The following PTPRN2 variants were observed in gnomAD, a reference collection of about 807,000 sequenced individuals.
The protein encoded by PTPRN2 is receptor-type tyrosine-protein phosphatase N2.
A neutral mutation model predicts 118.8 loss-of-function variants in PTPRN2; 74 were observed. The ratio of observed to expected loss-of-function variants is 0.62; its 90% CI spans 0.52 to 0.76. PTPRN2 has a LOEUF of 0.76. Among genes scored for constraint, PTPRN2 ranks in the 30% least tolerant of loss-of-function variants. The pLI, the probability that PTPRN2 is intolerant of heterozygous loss-of-function variation, is 0.00. For synonymous variants in PTPRN2, 641 were observed against 608.0 expected (o/e 1.05, Z -0.80); for missense variants, 1,481 against 1,394.4 (o/e 1.06, Z -0.99).
At chr7:157,770,068 C>T (rs540385436) in intron 12 of PTPRN2, among the ~76,000 whole-genome samples, 1 of 152,352 alleles carries the variant, frequency 6.6e-6, no homozygotes, top group East Asian at 1.9e-4. Flanking sequence ...CCGAGCCTCC[C>T]CAGCACTTTC....
chr7:157,545,235 CTG>C lies in PTPRN2; in HGVS notation c.2976+3709_2976+3710del, dbSNP rs141797450. Among the ~76,000 whole-genome samples, 209 of 136,468 alleles carry C rather than the reference CTG, an allele frequency of 1.5e-3. 1 individual carries two copies. In the East Asian group the frequency reaches 0.042, roughly 27 times the overall value. 89.5% of individuals were successfully genotyped at this position (136,468 alleles called of 152,430 possible). The stretch of plus-strand genomic sequence containing the variant: ...GTGTGGGTGTGCGCAGTGTCCGTGG[CTG>C]TGTGTAGGTGTGCACTGTGTGCAGG... On this transcript the variant is annotated intron_variant, in intron 22 of 22. Coordinates refer to ENST00000389418, the MANE Select transcript of PTPRN2 (RefSeq NM_002847.5).
At chr7:158,371,001 A>G (rs1563211142) in intron 2 of PTPRN2, among the ~76,000 whole-genome samples, 1 of 152,236 alleles carries the variant, frequency 6.6e-6, no homozygotes, top group African/African-American at 2.4e-5. Flanking sequence ...GCAGCCCATT[A>G]TAAGAAAAAA....
In PTPRN2 at chr7:158,540,510, G is replaced by C. The variant is rs536757741; in HGVS notation, c.112+47048C>G. The stretch of plus-strand genomic sequence containing the variant: ...AGCCCAGGCTGGGCCCCCCACCTGT[G>C]CTCCATGGGAGGAAAGCACATGGCC... On this transcript the variant is annotated intron_variant, in intron 1 of 22. Coordinates refer to ENST00000389418, the MANE Select transcript of PTPRN2 (RefSeq NM_002847.5). Among the ~76,000 whole-genome samples the C allele has an allele frequency of 6.6e-5, 10 of 152,258 alleles. No homozygotes were observed. In the East Asian group the frequency reaches 1.9e-3, roughly 30 times the overall value.
At chr7:158,373,990 C>T (rs1563215275) in intron 2 of PTPRN2, among the ~76,000 whole-genome samples, 1 of 152,206 alleles carries the variant, frequency 6.6e-6, no homozygotes, top group South Asian at 2.1e-4. Context: ...CTGGGCTGGG[C>T]CCTGAGGGAA....
chr7:157,804,747 A>G (rs1193438371), intron 12 of PTPRN2, among the ~76,000 whole-genome samples: 2 of 152,148 alleles, frequency 1.3e-5, no homozygotes, highest in Non-Finnish European at 2.9e-5. Flanking sequence ...ATTCAGCAAG[A>G]TCTGACACCT....
intron 3 of PTPRN2, among the ~76,000 whole-genome samples, chr7:158,313,885 C>CTAGATATTT (rs1802076594): frequency 1.3e-5 from 2 of 152,320 alleles, no homozygotes; most frequent in Admixed American, 1.3e-4. Context: ...TTCGGGGCCA[C>CTAGATATTT]TAGATATTTT....
intron 12 of PTPRN2, among the ~76,000 whole-genome samples, chr7:157,878,222 C>T (rs1213504424): frequency 6.6e-6 from 1 of 152,248 alleles, no homozygotes; most frequent in East Asian, 1.9e-4. Context: ...CCGTGCTGGG[C>T]CGGCCAGTGC....
chr7:158,495,505 G>A (rs918272676), intron 1 of PTPRN2, among the ~76,000 whole-genome samples: 3 of 152,074 alleles, frequency 2.0e-5, no homozygotes, highest in African/African-American at 7.2e-5. Context: ...TAAGAGTGAA[G>A]CGCCTGCCTG....
chr7:157,637,590 TCACCTACAAAGCCCATATGGC>T, intron 14 of PTPRN2, among the ~76,000 whole-genome samples: 1 of 152,194 alleles, frequency 6.6e-6, no homozygotes, highest in Non-Finnish European at 1.5e-5. Context: ...ACCCTGATGG[TCACCTACAAAGCCCATATGGC>T]CAAAACGGTA....
At chr7:158,128,100 G>C (rs536200516) in intron 9 of PTPRN2, among the ~76,000 whole-genome samples, 1 of 152,286 alleles carries the variant, frequency 6.6e-6, no homozygotes, top group East Asian at 1.9e-4. Context: ...CTTTCTGTGG[G>C]ACAACCAAAT....
chr7:157,721,703 T>C (rs1222330439), intron 12 of PTPRN2, among the ~76,000 whole-genome samples: 1 of 152,124 alleles, frequency 6.6e-6, no homozygotes, highest in African/African-American at 2.4e-5. Flanking sequence ...TGCAGCACGG[T>C]TTCCTCACAG....
intron 6 of PTPRN2, among the ~76,000 whole-genome samples, chr7:158,145,942 C>T (rs1819930137): frequency 6.6e-6 from 1 of 152,178 alleles, no homozygotes; most frequent in African/African-American, 2.4e-5. Flanking sequence ...CCTCAGTTTC[C>T]ATATCTGTAA....
chr7:158,238,264 G>A (rs1465195261), intron 3 of PTPRN2, among the ~76,000 whole-genome samples: 1 of 152,066 alleles, frequency 6.6e-6, no homozygotes, highest in East Asian at 1.9e-4. Flanking sequence ...CTGGAGAGGA[G>A]CCCAGCACAC....
chr7:158,368,610 G>A (rs987411407), intron 2 of PTPRN2, among the ~76,000 whole-genome samples: 1 of 152,166 alleles, frequency 6.6e-6, no homozygotes, highest in Non-Finnish European at 1.5e-5. Flanking sequence ...TGGAAGCCAG[G>A]AGGCCACTGC....
At chr7:158,445,324 T>C (rs529583477) in intron 2 of PTPRN2, among the ~76,000 whole-genome samples, 2 of 152,286 alleles carry the variant, frequency 1.3e-5, no homozygotes, top group Non-Finnish European at 1.5e-5. Flanking sequence ...ACCTCTGCCC[T>C]GACTGTCCTC....
chr7:157,838,986 A>G, intron 12 of PTPRN2, among the ~76,000 whole-genome samples: 1 of 142,258 alleles, frequency 7.0e-6, no homozygotes, highest in African/African-American at 2.8e-5. Flanking sequence ...CATGGGAGAA[A>G]GCTCCTCTCC....
chr7:158,133,515 T>G (rs1818544744), intron 9 of PTPRN2, among the ~76,000 whole-genome samples, 162 bp downstream of exon 9: 1 of 152,218 alleles, frequency 6.6e-6, no homozygotes, highest in Non-Finnish European at 1.5e-5. Flanking sequence ...GGCACCTGGC[T>G]GCCCTCCGCG....
chr7:158,374,058 A>G (rs7385460), intron 2 of PTPRN2, among the ~76,000 whole-genome samples: 148,926 of 152,346 alleles, frequency 0.98, 72,800 homozygotes, highest in East Asian at 1. Context: ...CGCGCCCGGC[A>G]CTGGAGTCAG....
chr7:157,871,606 C>T (rs1811052816), intron 12 of PTPRN2, among the ~76,000 whole-genome samples: 1 of 152,126 alleles, frequency 6.6e-6, no homozygotes. Context: ...CTTCACCCTC[C>T]TCCTTTTATT....
Sources: gnomAD v4.1 joint callset for allele counts (sites outside exome capture counted in the v4.1 genomes callset) on GRCh38, gnomAD v4.1.1 for gene constraint, MANE v1.5 for transcripts, NCBI Gene and HGNC (gene_info 2026-07-23, HGNC 2026-07-21) for gene names.